Variants in HPSE2 observed in about 807,000 individuals in gnomAD.
HPSE2 encodes heparanase 2 (inactive).
HPSE2 carries 38 observed loss-of-function variants against 60.5 expected under a neutral mutation model. The ratio of observed to expected loss-of-function variants is 0.63; its 90% CI spans 0.48 to 0.82. The LOEUF (loss-of-function observed/expected upper bound fraction) is 0.82, where lower values mean the gene tolerates loss of function less well. Among genes scored for constraint, HPSE2 ranks in the 40% least tolerant of loss-of-function variants. The probability of loss-of-function intolerance (pLI) is 0.00; values close to 1 mark genes in which losing one functional copy is unlikely to be tolerated. For synonymous variants in HPSE2, 295 were observed against 293.2 expected (o/e 1.01, Z -0.06); for missense variants, 713 against 740.4 (o/e 0.96, Z 0.43).
At chr10:99,238,676 C>CA (rs987949105), upstream of HPSE2, among the ~76,000 whole-genome samples, 1 of 152,210 alleles carries the variant, frequency 6.6e-6, no homozygotes, top group African/African-American at 2.4e-5. Flanking sequence ...ATAGCTGCCA[C>CA]ACATATACCA....
intron 3 of HPSE2, among the ~76,000 whole-genome samples, chr10:99,139,349 T>G (rs747642163): frequency 1.0e-3 from 156 of 152,134 alleles, no homozygotes; most frequent in Non-Finnish European, 1.5e-3. Context: ...ACTACTCAAG[T>G]GACGGGTGCA....
At chr10:99,104,125 T>C (rs1215397481) in intron 3 of HPSE2, among the ~76,000 whole-genome samples, 1 of 152,106 alleles carries the variant, frequency 6.6e-6, no homozygotes, top group African/African-American at 2.4e-5. Flanking sequence ...AAAGCCAAAA[T>C]TGACAAATGG....
chr10:98,796,760 T>TC lies in HPSE2; in HGVS notation c.611-52705dup, dbSNP rs372977714. On this transcript the variant is annotated intron_variant, in intron 3 of 11. Transcript: ENST00000370552. ...TAGCATCAGATCTAAGCCAGTGCAG[T>TC]CCCAGTGGTAGTGACCACAGGGGTG... 3.7e-3 allele frequency among the ~76,000 whole-genome samples: 559 copies of TC among 152,324 alleles called. 4 individuals are homozygous for TC. Among genetic ancestry groups the TC allele is most frequent in the African/African-American group, 0.013 (540 of 41,576 alleles).
intron 9 of HPSE2, among the ~76,000 whole-genome samples, chr10:98,536,470 C>T (rs1316071220): frequency 1.3e-5 from 2 of 152,090 alleles, no homozygotes; most frequent in Non-Finnish European, 2.9e-5. Flanking sequence ...TCCTTCTGAA[C>T]TGTGAAGGCA....
At chr10:98,605,497 A>G (rs183477245) in intron 9 of HPSE2, among the ~76,000 whole-genome samples, 5 of 152,348 alleles carry the variant, frequency 3.3e-5, no homozygotes, top group African/African-American at 1.2e-4. Flanking sequence ...ACGGAATAGT[A>G]TAATAAACCA....
intron 3 of HPSE2, among the ~76,000 whole-genome samples, chr10:98,796,179 T>A (rs186512936): frequency 6.6e-6 from 1 of 152,182 alleles, no homozygotes; most frequent in African/African-American, 2.4e-5. Context: ...TTGCCTTAGG[T>A]ATCAGCTCAG....
chr10:99,234,736 G>A (rs1307293378), intron 1 of HPSE2, among the ~76,000 whole-genome samples: 1 of 151,938 alleles, frequency 6.6e-6, no homozygotes, highest in African/African-American at 2.4e-5. Flanking sequence ...CCTCCCTGGA[G>A]TATTTCTAGG....
chr10:99,178,974 T>A (rs1389124849), intron 2 of HPSE2, among the ~76,000 whole-genome samples: 1 of 152,012 alleles, frequency 6.6e-6, no homozygotes, highest in Non-Finnish European at 1.5e-5. Flanking sequence ...CATACACAAA[T>A]CAATAAACGT....
intron 5 of HPSE2, among the ~76,000 whole-genome samples, chr10:98,705,405 G>A (rs1948521083): frequency 6.6e-6 from 1 of 152,066 alleles, no homozygotes; most frequent in African/African-American, 2.4e-5. Context: ...CCCATTACTG[G>A]GTACGCACCC....
chr10:99,098,043 C>T (rs1333510755), intron 3 of HPSE2, among the ~76,000 whole-genome samples: 1 of 152,174 alleles, frequency 6.6e-6, no homozygotes, highest in African/African-American at 2.4e-5. Flanking sequence ...AATCCAACCT[C>T]AGCCCTTTGT....
At chr10:98,754,207 A>C (rs1221678963) in intron 3 of HPSE2, among the ~76,000 whole-genome samples, 2 of 152,226 alleles carry the variant, frequency 1.3e-5, no homozygotes, top group African/African-American at 4.8e-5. Context: ...AAATTTCGTG[A>C]TACAATCTGG....
At chr10:99,277,619 G>A in the HPSE2 span, among the ~76,000 whole-genome samples, 19 of 152,240 alleles carry the variant, frequency 1.2e-4, no homozygotes, top group African/African-American at 4.6e-4. Flanking sequence ...GCATCTAATA[G>A]AAATATGTAG....
chr10:99,068,788 A>G (rs1485482560), intron 3 of HPSE2, among the ~76,000 whole-genome samples: 1 of 152,222 alleles, frequency 6.6e-6, no homozygotes, highest in Non-Finnish European at 1.5e-5. Context: ...AAGAGGGCAC[A>G]TCACCACTGA....
At chr10:98,591,338 A>G (rs1945084255) in intron 9 of HPSE2, among the ~76,000 whole-genome samples, 3 of 152,176 alleles carry the variant, frequency 2.0e-5, no homozygotes, top group Admixed American at 1.3e-4. Context: ...CATTCTTCTC[A>G]CAATTAATTG....
chr10:98,897,104 T>C (rs1482236327), intron 3 of HPSE2, among the ~76,000 whole-genome samples: 1 of 152,166 alleles, frequency 6.6e-6, no homozygotes, highest in Non-Finnish European at 1.5e-5. Flanking sequence ...AAATGTTGTA[T>C]GTTCTCACTT....
At chr10:99,306,740 G>A in the HPSE2 span, among the ~76,000 whole-genome samples, 3 of 152,008 alleles carry the variant, frequency 2.0e-5, no homozygotes, top group East Asian at 1.9e-4. Context: ...ACAGAGTTTC[G>A]CTCTTGTTGC....
At chr10:99,279,281 G>A in the HPSE2 span, among the ~76,000 whole-genome samples, 2 of 152,238 alleles carry the variant, frequency 1.3e-5, no homozygotes, top group East Asian at 3.9e-4. Flanking sequence ...TCTCAGAGGA[G>A]TACTATACCC....
At chr10:99,278,721 G>A in the HPSE2 span, among the ~76,000 whole-genome samples, 1 of 152,132 alleles carries the variant, frequency 6.6e-6, no homozygotes, top group Non-Finnish European at 1.5e-5. Context: ...TAAACTTACT[G>A]TGTGATCTTA....
rs1940139762 is a variant in HPSE2, at chr10:98,458,465, T to A, written c.*1109A>T. ...AGATCTTCATTCTCTAGATTCCCTA[T>A]TCTCTCCCAAAATGGCTAACAAAGT... On this transcript the variant is annotated 3_prime_UTR_variant, in exon 12 of 12. Coordinates refer to ENST00000370552, the MANE Select transcript of HPSE2 (RefSeq NM_021828.5). 1 of 152,198 alleles carries A rather than the reference T, an allele frequency of 6.6e-6. No individual in the cohort carries two copies. The highest frequency in any genetic ancestry group is 2.4e-5 in the African/African-American group (1 of 41,448). 9.4% of individuals were successfully genotyped at this position (152,198 alleles called of 1,614,324 possible). A position where few individuals can be genotyped will look rare whatever the true frequency, so the allele number is the denominator to read the frequency against.
Sources: gnomAD v4.1 joint callset for allele counts (sites outside exome capture counted in the v4.1 genomes callset) on GRCh38, gnomAD v4.1.1 for gene constraint, MANE v1.5 for transcripts, NCBI Gene and HGNC (gene_info 2026-07-23, HGNC 2026-07-21) for gene names.